The following KCNB2 variants were observed in gnomAD, a reference collection of about 807,000 sequenced individuals.
The protein encoded by KCNB2 is delayed rectifier potassium channel protein.
KCNB2 carries 15 observed loss-of-function variants against 61.5 expected under a neutral mutation model. The observed-to-expected ratio is 0.24, with a 90% confidence interval of 0.16 to 0.38. The LOEUF (loss-of-function observed/expected upper bound fraction) is 0.38, where lower values mean the gene tolerates loss of function less well. KCNB2 is among the 10% of genes least tolerant of loss of function. KCNB2 has a pLI of 1.00. For synonymous variants in KCNB2, 457 were observed against 446.0 expected (o/e 1.02, Z -0.31); for missense variants, 828 against 1,125.2 (o/e 0.74, Z 3.78).
intron 2 of KCNB2, among the ~76,000 whole-genome samples, chr8:72,907,802 C>T (rs1806204921): frequency 6.6e-6 from 1 of 152,052 alleles, no homozygotes; most frequent in South Asian, 2.1e-4. Context: ...GTCTGTGAAC[C>T]CAATGGACAA....
chr8:72,783,605 A>G (rs776750356), intron 2 of KCNB2, among the ~76,000 whole-genome samples: 3 of 152,120 alleles, frequency 2.0e-5, no homozygotes, highest in African/African-American at 7.2e-5. Context: ...ACAAATCTTC[A>G]TCTCTATCCC....
chr8:72,885,923 C>T (rs1805800242), intron 2 of KCNB2, among the ~76,000 whole-genome samples: 1 of 152,100 alleles, frequency 6.6e-6, no homozygotes, highest in South Asian at 2.1e-4. Flanking sequence ...CTAATTCTGA[C>T]TAAAGATATC....
chr8:72,584,678 T>C (rs560022590), intron 2 of KCNB2, among the ~76,000 whole-genome samples: 24 of 152,258 alleles, frequency 1.6e-4, no homozygotes, highest in African/African-American at 5.5e-4. Flanking sequence ...AGCAAATATC[T>C]TTGTAATTTT....
chr8:72,568,920 ATT>A (rs534238596), intron 2 of KCNB2, among the ~76,000 whole-genome samples: 1 of 146,196 alleles, frequency 6.8e-6, no homozygotes. Context: ...CTGACTGTTA[ATT>A]TTTTTTTTTT....
chr8:72,648,235 G>A (rs1179699196), intron 2 of KCNB2, among the ~76,000 whole-genome samples: 5 of 152,278 alleles, frequency 3.3e-5, no homozygotes, highest in African/African-American at 1.2e-4. Context: ...ACAACAAAAA[G>A]TTTGATTTTA....
intron 2 of KCNB2, among the ~76,000 whole-genome samples, chr8:72,710,414 C>G (rs1321723291): frequency 6.6e-6 from 1 of 151,994 alleles, no homozygotes; most frequent in African/African-American, 2.4e-5. Flanking sequence ...ACTAAAGACA[C>G]CAATTAGAGC....
chr8:72,705,101 C>T (rs1317725005), intron 2 of KCNB2, among the ~76,000 whole-genome samples: 3 of 152,100 alleles, frequency 2.0e-5, no homozygotes, highest in Non-Finnish European at 4.4e-5. Flanking sequence ...TGGTTTAAAT[C>T]TTATTTAGCT....
At chr8:72,896,080 A>T (rs142516892) in intron 2 of KCNB2, among the ~76,000 whole-genome samples, 1,788 of 152,206 alleles carry the variant, frequency 0.012, 31 homozygotes, top group African/African-American at 0.04. Flanking sequence ...ATGAAGCATT[A>T]TCTATACTCT....
chr8:72,624,546 A>G (rs1388184166), intron 2 of KCNB2, among the ~76,000 whole-genome samples: 1 of 152,152 alleles, frequency 6.6e-6, no homozygotes, highest in Non-Finnish European at 1.5e-5. Context: ...TCATTGAACA[A>G]GGAATGGAAA....
intron 2 of KCNB2, among the ~76,000 whole-genome samples, chr8:72,675,443 A>G (rs11787421): frequency 0.4 from 60,866 of 151,724 alleles, 14,656 homozygotes; most frequent in Non-Finnish European, 0.56. Context: ...GCCATATATT[A>G]CCCTTGGTTC....
chr8:72,665,212 G>A (rs548356072), intron 2 of KCNB2, among the ~76,000 whole-genome samples: 5 of 152,208 alleles, frequency 3.3e-5, no homozygotes, highest in Admixed American at 1.3e-4. Flanking sequence ...TAGACATGTG[G>A]CATTTGTGAT....
intron 2 of KCNB2, among the ~76,000 whole-genome samples, chr8:72,817,990 G>C (rs966864155): frequency 2.0e-5 from 3 of 152,222 alleles, no homozygotes; most frequent in East Asian, 3.9e-4. Flanking sequence ...GGGGAGGAAG[G>C]ATTAGCTAAC....
In KCNB2 at chr8:72,666,959, G is replaced by A. The variant is rs1480744259; in HGVS notation, c.579+98646G>A. Among the ~76,000 whole-genome samples the A allele has an allele frequency of 3.3e-5, 5 of 151,686 alleles. No individual in the cohort carries two copies. In the East Asian group the frequency reaches 7.8e-4, roughly 24 times the overall value. On this transcript the variant is annotated intron_variant, in intron 2 of 2. Coordinates refer to ENST00000523207, the MANE Select transcript of KCNB2 (RefSeq NM_004770.3). The stretch of plus-strand genomic sequence containing the variant: ...AAGAACACAGGTTTTGGAGCAGGAT[G>A]TTCAGATTCTGTTTTTTCCACATAA...
intron 2 of KCNB2, among the ~76,000 whole-genome samples, chr8:72,662,173 C>G (rs1415640351): frequency 6.6e-6 from 1 of 152,140 alleles, no homozygotes; most frequent in African/African-American, 2.4e-5. Flanking sequence ...TGGGTCTGGT[C>G]TCAGGGCTCT....
intron 2 of KCNB2, among the ~76,000 whole-genome samples, chr8:72,835,495 C>T (rs557956367): frequency 3.9e-4 from 60 of 152,204 alleles, no homozygotes; most frequent in African/African-American, 1.3e-3. Flanking sequence ...ATAAGTGAAT[C>T]GCCTCTATCT....
chr8:72,594,815 C>A (rs1023082890), intron 2 of KCNB2, among the ~76,000 whole-genome samples: 2 of 152,132 alleles, frequency 1.3e-5, no homozygotes, highest in Non-Finnish European at 2.9e-5. Flanking sequence ...TATAATAAAC[C>A]ATTTTAAAGC....
chr8:72,853,490 T>C (rs959097205), intron 2 of KCNB2, among the ~76,000 whole-genome samples: 2 of 152,172 alleles, frequency 1.3e-5, no homozygotes, highest in South Asian at 2.1e-4. Flanking sequence ...CAATATATCA[T>C]TGAACAAGAA....
intron 2 of KCNB2, among the ~76,000 whole-genome samples, chr8:72,803,078 G>A (rs115225660): frequency 1.3e-5 from 2 of 152,166 alleles, no homozygotes; most frequent in East Asian, 1.9e-4. Context: ...GACAACTGTA[G>A]CTCTGTGTCC....
intron 2 of KCNB2, among the ~76,000 whole-genome samples, chr8:72,758,326 C>T (rs1390802550): frequency 1.3e-5 from 2 of 152,166 alleles, no homozygotes; most frequent in Admixed American, 6.5e-5. Context: ...ACTTGGCAGC[C>T]TAGGTGTAGC....
Sources: gnomAD v4.1 joint callset for allele counts (sites outside exome capture counted in the v4.1 genomes callset) on GRCh38, gnomAD v4.1.1 for gene constraint, MANE v1.5 for transcripts, NCBI Gene and HGNC (gene_info 2026-07-23, HGNC 2026-07-21) for gene names.